Variants in REXO4 observed in about 807,000 individuals in gnomAD.
REXO4 encodes RNA exonuclease 4, also known as REX4 homolog, 3'-5' exonuclease.
In REXO4, 29 loss-of-function variants were observed where a neutral mutation model predicts 39.9. That is an observed-to-expected ratio of 0.73 (90% CI 0.54 to 0.99). The LOEUF is 0.99. Ranked by LOEUF, REXO4 falls within the 50% of genes least tolerant of loss-of-function variation. The probability of loss-of-function intolerance (pLI) is 0.00; values close to 1 mark genes in which losing one functional copy is unlikely to be tolerated. For synonymous variants in REXO4, 184 were observed against 206.2 expected (o/e 0.89, Z 0.92); for missense variants, 524 against 546.5 (o/e 0.96, Z 0.41).
rs1297940636 is a variant in REXO4, at chr9:133,406,677, G to A, written c.*276C>T. ...GGCCCCAACCTCACCTGGCCCAGGG[G>A]GTCAGCAGTCGGTAAAGCGTGGCCA... On this transcript the variant is annotated 3_prime_UTR_variant, in exon 8 of 8. Coordinates refer to ENST00000371942, the MANE Select transcript of REXO4 (RefSeq NM_020385.4). 1.5e-5 allele frequency: 7 copies of A among 473,870 alleles called. No homozygotes were observed. The highest frequency in any genetic ancestry group is 1.0e-4 in the Admixed American group (3 of 29,884). The allele number at this position is 473,870 out of a possible 1,614,324, so 29.4% of individuals were successfully genotyped here. A position where few individuals can be genotyped will look rare whatever the true frequency, so the allele number is the denominator to read the frequency against.
At position 133,414,434 on chromosome 9, in the gene REXO4, A is replaced by C. The variant is rs1251340561; in HGVS notation, c.572+231T>G. 3 of 691,008 alleles carry C rather than the reference A, an allele frequency of 4.3e-6. No homozygotes were observed. The East Asian group carries it at 8.2e-5, about 19-fold the overall frequency. 42.8% of individuals were successfully genotyped at this position (691,008 alleles called of 1,614,324 possible). On this transcript the variant is annotated intron_variant, in intron 2 of 7. Coordinates refer to ENST00000371942, the MANE Select transcript of REXO4 (RefSeq NM_020385.4). ...GCACGCTTTCCTTCCACACACGTGT[A>C]CTGGCACCCACTAAATGCTGAGCTC...
rs41307426 is a variant in REXO4, at chr9:133,406,610, G to A, written c.*343C>T. 0.043 allele frequency: 13,389 copies of A among 309,326 alleles called. 393 individuals are homozygous for A. The highest frequency in any genetic ancestry group is 0.088 in the African/African-American group (4,168 of 47,550). The allele number at this position is 309,326 out of a possible 1,614,324, so 19.2% of individuals were successfully genotyped here. A position where few individuals can be genotyped will look rare whatever the true frequency, so the allele number is the denominator to read the frequency against. Reference sequence around the variant, plus strand: ...GAGCACCTCACCCCAGGGTGTCACCGAAGATGGGCAGTGACAGCACCGTAT... The same window carrying A: ...GAGCACCTCACCCCAGGGTGTCACCAAAGATGGGCAGTGACAGCACCGTAT... On this transcript the variant is annotated 3_prime_UTR_variant, in exon 8 of 8. Transcript: ENST00000371942.
intron 2 of REXO4, among the ~76,000 whole-genome samples, chr9:133,413,988 A>G (rs1839391028): frequency 6.6e-6 from 1 of 152,230 alleles, no homozygotes; most frequent in South Asian, 2.1e-4. Flanking sequence ...GCTGTAACTT[A>G]TGAACACGTC....
intron 7 of REXO4, among the ~76,000 whole-genome samples, chr9:133,407,578 G>C (rs1564390195): frequency 6.6e-6 from 1 of 152,196 alleles, no homozygotes; most frequent in Non-Finnish European, 1.5e-5. Flanking sequence ...CAAATAACGA[G>C]AATGCAGTAC....
chr9:133,408,934 TTGTGTGTGTGTGTGTGTGTGTG>T (rs71503345), intron 5 of REXO4, 92 bp from the exon 6 acceptor site: 23 of 322,004 alleles, frequency 7.1e-5, no homozygotes, highest in East Asian at 2.3e-4. Flanking sequence ...AGTAACATCT[TTGTGTGTGTGTGTGTGTGTGTG>T]TGTGTGTGTG....
chr9:133,415,386 C>T (rs1839519986), intron 1 of REXO4, among the ~76,000 whole-genome samples: 1 of 151,908 alleles, frequency 6.6e-6, no homozygotes, highest in Non-Finnish European at 1.5e-5. Context: ...ACAGCTTGGG[C>T]CAACATCCTG....
chr9:133,416,491 G>A (rs1232195311), intron 1 of REXO4, among the ~76,000 whole-genome samples: 5 of 152,160 alleles, frequency 3.3e-5, no homozygotes, highest in African/African-American at 2.4e-5. Flanking sequence ...GGGATTACAC[G>A]TGTGGGCTAC....
intron 5 of REXO4, among the ~76,000 whole-genome samples, chr9:133,409,941 A>AC (rs950351212): frequency 3.3e-5 from 5 of 152,180 alleles, no homozygotes; most frequent in African/African-American, 1.2e-4. Context: ...GGAGGGAAGG[A>AC]CGAGTCCCCA....
chr9:133,407,397 G>A (rs587754198), intron 7 of REXO4, among the ~76,000 whole-genome samples: 1 of 152,238 alleles, frequency 6.6e-6, no homozygotes, highest in South Asian at 2.1e-4. Context: ...GGGCACAGGG[G>A]CACAAGGACC....
rs1554778786 is a variant in REXO4, at chr9:133,406,371, T to A, written c.*582A>T. ...GCTATGGGGAGAAGCCTCTGCTGGG[T>A]GACCCACCAGCCAACCCTGGGCCAA... On this transcript the variant is annotated 3_prime_UTR_variant, in exon 8 of 8. Coordinates refer to ENST00000371942, the MANE Select transcript of REXO4 (RefSeq NM_020385.4). 6.5e-6 allele frequency: 1 copy of A among 153,782 alleles called. No individual in the cohort carries two copies. Among genetic ancestry groups the A allele is most frequent in the African/African-American group, 2.4e-5 (1 of 41,488 alleles). 9.5% of individuals were successfully genotyped at this position (153,782 alleles called of 1,614,324 possible).
chr9:133,417,543 T>C, intron 1 of REXO4, 77 bp downstream of exon 1: 2 of 1,466,398 alleles, frequency 1.4e-6, no homozygotes, highest in Non-Finnish European at 1.9e-6. Flanking sequence ...CTTTTGGGGC[T>C]ACCCAAGTCT....
chr9:133,415,620 T>G (rs958612035), intron 1 of REXO4: 1 of 152,564 alleles, frequency 6.6e-6, no homozygotes, highest in Middle Eastern at 3.4e-3. Flanking sequence ...CCAGTGGGAG[T>G]GGGCGCCACC....
At chr9:133,411,300 A>C (rs1839200818) in intron 4 of REXO4, among the ~76,000 whole-genome samples, 1 of 152,216 alleles carries the variant, frequency 6.6e-6, no homozygotes, top group Non-Finnish European at 1.5e-5. Context: ...TGAGGAGAGG[A>C]ATAAAGTGCT....
rs1433445368 is a variant in REXO4, at chr9:133,408,946, G to A, written c.1000-104C>T. 4.6e-5 allele frequency: 19 copies of A among 412,598 alleles called. No homozygotes were observed. The East Asian group carries it at 7.0e-4, about 15-fold the overall frequency. 25.6% of individuals were successfully genotyped at this position (412,598 alleles called of 1,614,324 possible). On this transcript the variant is annotated intron_variant, in intron 5 of 7. Coordinates refer to ENST00000371942, the MANE Select transcript of REXO4 (RefSeq NM_020385.4). ...GCAAGTAACATCTTTGTGTGTGTGT[G>A]TGTGTGTGTGTGTGTGTGTGTGTGT...
At position 133,410,998 on chromosome 9, in the gene REXO4, T is replaced by C. The variant is rs958217886; in HGVS notation, c.986A>G (p.His329Arg). ...AGAGCCCAGTACCTTTAGGTCATTATGCAGAGCGTGCCCCACTAGAATTCT... is the reference window on the plus strand; with the variant it reads ...AGAGCCCAGTACCTTTAGGTCATTACGCAGAGCGTGCCCCACTAGAATTCT... ...KGRILVGHALHNDLKVLFLDH... is the reference protein window; with the variant it reads ...KGRILVGHALRNDLKVLFLDH... The change falls in exon 5 of 8, where the codon CAT (histidine) becomes CGT (arginine). Residue 329 changes from histidine to arginine, a missense_variant. By Grantham distance (29) the His-to-Arg change is conservative. Coordinates refer to ENST00000371942, the MANE Select transcript of REXO4 (RefSeq NM_020385.4). 2 of 1,614,088 alleles carry C rather than the reference T, an allele frequency of 1.2e-6. No homozygotes were observed. Among genetic ancestry groups the C allele is most frequent in the Non-Finnish European group, 1.7e-6 (2 of 1,179,916 alleles).
At chr9:133,416,331 G>A (rs1554781554) in intron 1 of REXO4, among the ~76,000 whole-genome samples, 1 of 152,142 alleles carries the variant, frequency 6.6e-6, no homozygotes, top group Non-Finnish European at 1.5e-5. Context: ...TACCTCCTAT[G>A]GGCCCCATCT....
chr9:133,414,529 G>A (rs782418553), intron 2 of REXO4, 136 bp downstream of exon 2: 12 of 817,742 alleles, frequency 1.5e-5, no homozygotes, highest in South Asian at 2.8e-5. Context: ...AAGTAACAGC[G>A]AGTAAACAAA....
intron 5 of REXO4, among the ~76,000 whole-genome samples, chr9:133,410,691 T>G (rs587620164): frequency 6.6e-6 from 1 of 152,168 alleles, no homozygotes; most frequent in Non-Finnish European, 1.5e-5. Context: ...AACTGGACAT[T>G]AGGCCTTCCT....
At chr9:133,408,970 G>T (rs1839071182) in intron 5 of REXO4, 128 bp from the exon 6 acceptor site, 2 of 527,438 alleles carry the variant, frequency 3.8e-6, no homozygotes, top group Non-Finnish European at 3.4e-6. Flanking sequence ...GTGTGTGTGT[G>T]TGTGTGTGTG....
Sources: allele counts gnomAD v4.1 joint callset (sites outside exome capture counted in the v4.1 genomes callset), GRCh38; gene constraint gnomAD v4.1.1; transcripts MANE v1.5; gene names NCBI Gene and HGNC (gene_info 2026-07-23, HGNC 2026-07-21).